Variants in USH2A observed in about 807,000 individuals in gnomAD.
USH2A encodes usherin.
Under a neutral mutation model 538.9 loss-of-function variants are expected in USH2A, and 443 were observed. The ratio of observed to expected loss-of-function variants is 0.82; its 90% CI spans 0.76 to 0.89. The LOEUF (loss-of-function observed/expected upper bound fraction) is 0.89. USH2A is among the 40% of genes least tolerant of loss of function. The pLI, the probability that USH2A is intolerant of heterozygous loss-of-function variation, is 0.00. For synonymous variants in USH2A, 2,413 were observed against 2,273.5 expected, an observed-to-expected ratio of 1.06 and a Z score of -1.75; for missense variants, 6,633 against 6,324.8, an observed-to-expected ratio of 1.05 and a Z score of -1.65.
chr1:216,242,217 C>A (rs185407004), intron 13 of USH2A, among the ~76,000 whole-genome samples: 1 of 150,620 alleles, frequency 6.6e-6, no homozygotes, highest in African/African-American at 2.4e-5. Context: ...AAAAAATTAG[C>A]CAGGCCTGTA....
rs745861155 is a variant in USH2A at position 216,217,532 on chromosome 1, A to G, written c.3012T>C (p.Cys1004=). The change falls in exon 15 of 72, where the codon TGT becomes TGC. Residue 1004 remains cysteine, a synonymous_variant. Transcript: ENST00000307340. ...TTTCATTCAAGGCTCCTGAGAGATG[A>G]CAATTACAAGGCTGACATCTGAAAA... is the stretch of plus-strand genomic sequence containing the variant. The part of the protein sequence containing the change: ...PQTGRCQPCN[C]HLSGALNETC... The G allele has an allele frequency of 2.0e-5, 33 of 1,613,128 alleles. No homozygotes were observed. The highest frequency in any genetic ancestry group is 1.7e-4 in the Middle Eastern group (1 of 6,054).
chr1:215,845,749 G>A (rs977854773), intron 45 of USH2A, 75 bp downstream of exon 45: 1 of 1,508,614 alleles, frequency 6.6e-7, no homozygotes, highest in South Asian at 1.2e-5. Flanking sequence ...AGGGATGACT[G>A]ATCTCAACCC....
chr1:216,281,280 A>G (rs1380504588), intron 11 of USH2A, among the ~76,000 whole-genome samples: 1 of 152,196 alleles, frequency 6.6e-6, no homozygotes, highest in Non-Finnish European at 1.5e-5. Flanking sequence ...CTCTCTGGCT[A>G]TATATCAGGT....
Position 216,251,221 on chromosome 1 carries a change from T to C in USH2A, c.1972-123A>G. 3.1e-6 allele frequency: 3 copies of C among 966,648 alleles called. No homozygotes were observed. The South Asian group carries it at 4.3e-5, about 14-fold the overall frequency. The allele number at this position is 966,648 out of a possible 1,614,324, so 59.9% of individuals were successfully genotyped here. ...AAATGTTCAACAGACAAGAAGGTAATAAGATATTTTTCCTCTTGACACACA... is the reference window on the plus strand; with the variant it reads ...AAATGTTCAACAGACAAGAAGGTAACAAGATATTTTTCCTCTTGACACACA... On this transcript the variant is annotated intron_variant, in intron 11 of 71. Coordinates refer to ENST00000307340, the MANE Select transcript of USH2A (RefSeq NM_206933.4).
At chr1:215,864,250 G>C (rs563141765) in intron 44 of USH2A, among the ~76,000 whole-genome samples, 1 of 152,262 alleles carries the variant, frequency 6.6e-6, no homozygotes, top group African/African-American at 2.4e-5. Context: ...GTTTGAGTTT[G>C]GGAACTGGTA....
In USH2A at chr1:215,674,985, A is replaced by C. The variant is rs1657960533; in HGVS notation, c.12926T>G (p.Phe4309Cys). The change falls in exon 63 of 72, where the codon TTT becomes TGT. Residue 4309 changes from phenylalanine (F) to cysteine (C), a missense_variant. Physicochemically the swap from Phe to Cys is radical, Grantham distance 205 (BLOSUM62 -2). Transcript: ENST00000307340. Reference protein sequence around the residue: ...RLQRNEMLYPFSFDPVTFNYT... With the variant: ...RLQRNEMLYPCSFDPVTFNYT... ...ATTGAAAGTCACAGGATCAAAGCTA[A>C]AAGGATAGAGCATTTCATTCCTTTG... The C allele has an allele frequency of 6.2e-7, 1 of 1,614,228 alleles. No individual in the cohort carries two copies. Among genetic ancestry groups the C allele is most frequent in the South Asian group, 1.1e-5 (1 of 91,088 alleles).
At chr1:215,687,408 G>C (rs1658466195) in intron 61 of USH2A, among the ~76,000 whole-genome samples, 2 of 151,536 alleles carry the variant, frequency 1.3e-5, no homozygotes, top group Admixed American at 1.3e-4. Context: ...CATTCATTTT[G>C]TAATGGAGGG....
intron 56 of USH2A, 69 bp from the exon 57 acceptor site, chr1:215,759,912 T>A (rs1322693758): frequency 4.4e-6 from 7 of 1,573,648 alleles, no homozygotes; most frequent in Admixed American, 1.7e-5. Context: ...AGTCACACCA[T>A]CCCCCCCATG....
chr1:215,766,248 T>C (rs1379131154), intron 56 of USH2A, among the ~76,000 whole-genome samples: 3 of 152,160 alleles, frequency 2.0e-5, no homozygotes, highest in Non-Finnish European at 4.4e-5. Flanking sequence ...CTTAGCACTC[T>C]ATTCATTTGT....
At chr1:216,269,866 G>A (rs979441697) in intron 11 of USH2A, among the ~76,000 whole-genome samples, 1 of 152,032 alleles carries the variant, frequency 6.6e-6, no homozygotes, top group Non-Finnish European at 1.5e-5. Flanking sequence ...TGGTGGGAAG[G>A]TTACTGACAA....
intron 62 of USH2A, among the ~76,000 whole-genome samples, chr1:215,676,065 A>C (rs1373262221): frequency 6.6e-6 from 1 of 152,158 alleles, no homozygotes; most frequent in African/African-American, 2.4e-5. Context: ...ACAACGCTTA[A>C]TCATTTGTTG....
At chr1:216,297,344 G>T (rs1264621412) in intron 9 of USH2A, among the ~76,000 whole-genome samples, 1 of 152,022 alleles carries the variant, frequency 6.6e-6, no homozygotes, top group Non-Finnish European at 1.5e-5. Context: ...AATGACAATG[G>T]ACAGTTAGTT....
chr1:216,172,176 C>A (rs2034287388), intron 21 of USH2A, among the ~76,000 whole-genome samples: 1 of 152,084 alleles, frequency 6.6e-6, no homozygotes, highest in Non-Finnish European at 1.5e-5. Flanking sequence ...ATGAAAGAGG[C>A]ATAAGTTGTG....
At chr1:216,207,586 A>C (rs1420887561) in intron 15 of USH2A, among the ~76,000 whole-genome samples, 155 bp from the exon 16 acceptor site, 1 of 152,198 alleles carries the variant, frequency 6.6e-6, no homozygotes, top group African/African-American at 2.4e-5. Flanking sequence ...CAAAGGGTTC[A>C]TGAGTTCTCT....
intron 20 of USH2A, among the ~76,000 whole-genome samples, chr1:216,189,712 G>T (rs991901783): frequency 2.0e-5 from 3 of 151,738 alleles, no homozygotes; most frequent in Non-Finnish European, 4.4e-5. Context: ...ATAACACCAG[G>T]CCACACAGTA....
chr1:215,822,995 C>G (rs923019852), intron 47 of USH2A, among the ~76,000 whole-genome samples: 1 of 151,984 alleles, frequency 6.6e-6, no homozygotes, highest in Non-Finnish European at 1.5e-5. Flanking sequence ...TGTTGTCTAT[C>G]TCTTAACACG....
At chr1:216,287,109 G>A (rs895407704) in intron 11 of USH2A, among the ~76,000 whole-genome samples, 4 of 152,040 alleles carry the variant, frequency 2.6e-5, no homozygotes, top group Non-Finnish European at 5.9e-5. Context: ...ACACACAAAG[G>A]TGGTTTTATT....
intron 21 of USH2A, among the ~76,000 whole-genome samples, chr1:216,171,996 C>A (rs2034284384): frequency 6.6e-6 from 1 of 151,828 alleles, no homozygotes; most frequent in Non-Finnish European, 1.5e-5. Flanking sequence ...AAATAGGTCC[C>A]AAAATAGCTT....
intron 38 of USH2A, among the ~76,000 whole-genome samples, chr1:215,906,453 T>A (rs1361371717): frequency 6.6e-6 from 1 of 152,028 alleles, no homozygotes; most frequent in Non-Finnish European, 1.5e-5. Context: ...GATTCTAACA[T>A]GGGCCGTTTA....
Sources: gnomAD v4.1 joint callset for allele counts (sites outside exome capture counted in the v4.1 genomes callset) on GRCh38, gnomAD v4.1.1 for gene constraint, MANE v1.5 for transcripts, NCBI Gene and HGNC (gene_info 2026-07-23, HGNC 2026-07-21) for gene names.